The following PDE8A variants were observed in gnomAD, a reference collection of about 807,000 sequenced individuals.
PDE8A encodes high affinity cAMP-specific and IBMX-insensitive 3',5'-cyclic phosphodiesterase 8A.
A neutral mutation model predicts 105.0 loss-of-function variants in PDE8A; 59 were observed. That is an observed-to-expected ratio of 0.56 (90% CI 0.46 to 0.70). The LOEUF is 0.70. Among genes scored for constraint, PDE8A ranks in the 30% least tolerant of loss-of-function variants. The pLI is 0.00. For synonymous variants in PDE8A, 355 were observed against 371.9 expected (o/e 0.95, Z 0.52); for missense variants, 1,014 against 1,045.9 (o/e 0.97, Z 0.42).
chr15:85,086,323 T>A (rs1051475439), intron 6 of PDE8A, among the ~76,000 whole-genome samples: 10 of 152,202 alleles, frequency 6.6e-5, no homozygotes, highest in African/African-American at 2.4e-4. Context: ...ATAATCAGAT[T>A]AGACAACATA....
intron 1 of PDE8A, among the ~76,000 whole-genome samples, chr15:85,003,908 A>G (rs146434789): frequency 6.6e-5 from 10 of 152,196 alleles, no homozygotes; most frequent in Non-Finnish European, 1.3e-4. Flanking sequence ...TATCTTCAAC[A>G]TATGGTTGCC....
upstream of PDE8A, among the ~76,000 whole-genome samples, chr15:84,981,005 G>A (rs2079697801): frequency 1.3e-5 from 2 of 152,274 alleles, no homozygotes; most frequent in South Asian, 4.1e-4. Flanking sequence ...GGCGCGCGGC[G>A]CCCCAGTTTG....
At chr15:85,086,949 AT>A (rs1429118753) in intron 6 of PDE8A, among the ~76,000 whole-genome samples, 3 of 151,102 alleles carry the variant, frequency 2.0e-5, no homozygotes, top group Non-Finnish European at 4.4e-5. Flanking sequence ...TTTTTAGTAG[AT>A]ACGGGGTTTC....
At chr15:85,085,739 G>T (rs2081542246) in intron 6 of PDE8A, among the ~76,000 whole-genome samples, 1 of 151,406 alleles carries the variant, frequency 6.6e-6, no homozygotes, top group Admixed American at 6.6e-5. Context: ...TGGGCAGGGT[G>T]GCTCACGCCT....
intron 5 of PDE8A, among the ~76,000 whole-genome samples, chr15:85,077,126 G>C (rs2081391729): frequency 6.6e-6 from 1 of 152,100 alleles, no homozygotes; most frequent in Admixed American, 6.5e-5. Flanking sequence ...TGCCTGCTAA[G>C]GTCATCTAAA....
At chr15:85,004,713 C>T (rs1055422056) in intron 1 of PDE8A, among the ~76,000 whole-genome samples, 4 of 152,280 alleles carry the variant, frequency 2.6e-5, no homozygotes, top group Middle Eastern at 3.4e-3. Flanking sequence ...GTTCTGCTTC[C>T]GTTCATTGCT....
Position 85,091,115 on chromosome 15 carries a change from A to C in PDE8A, c.786A>C (p.Glu262Asp). ...SGELIGKELGEVPINEKKADL... is the reference protein window; with the variant it reads ...SGELIGKELGDVPINEKKADL... ...AATTAATAGGGAAGGAGTTAGGAGA[A>C]GTGCCTATAAATGAAAAAAAGGCTG... Residue 262 changes from glutamate (E) to aspartate (D), a missense_variant, in exon 8 of 22, where the codon GAA becomes GAC. Glu to Asp is a conservative substitution (Grantham distance 45). Coordinates refer to ENST00000394553, the MANE Select transcript of PDE8A (RefSeq NM_002605.3). 1 of 1,613,316 alleles carries C rather than the reference A, an allele frequency of 6.2e-7. No individual in the cohort carries two copies. Among genetic ancestry groups the C allele is most frequent in the Non-Finnish European group, 8.5e-7 (1 of 1,179,348 alleles).
At chr15:85,079,467 G>T (rs2081431005) in intron 5 of PDE8A, among the ~76,000 whole-genome samples, 1 of 152,208 alleles carries the variant, frequency 6.6e-6, no homozygotes, top group Admixed American at 6.5e-5. Context: ...TGATGAAAAG[G>T]AGGGTAACCG....
intron 11 of PDE8A, among the ~76,000 whole-genome samples, chr15:85,103,988 A>G (rs1232116954): frequency 6.6e-6 from 1 of 152,220 alleles, no homozygotes; most frequent in Non-Finnish European, 1.5e-5. Flanking sequence ...ACTCCCAGAC[A>G]TGGGAAGGAA....
At chr15:84,987,312 G>A (rs2079818084) in intron 1 of PDE8A, among the ~76,000 whole-genome samples, 1 of 152,068 alleles carries the variant, frequency 6.6e-6, no homozygotes. Context: ...TCACAATTCT[G>A]TTACCTGAAA....
intron 1 of PDE8A, among the ~76,000 whole-genome samples, chr15:85,019,684 A>G (rs1190800621): frequency 2.0e-5 from 3 of 151,974 alleles, no homozygotes; most frequent in Non-Finnish European, 4.4e-5. Context: ...GGTTCAAGTG[A>G]TCCTCCTGCC....
At chr15:85,103,120 G>A (rs72759070) in intron 11 of PDE8A, among the ~76,000 whole-genome samples, 14,003 of 152,094 alleles carry the variant, frequency 0.092, 1,746 homozygotes, top group African/African-American at 0.29. Context: ...TACAGGGGAG[G>A]CTGAGGCACG....
intron 1 of PDE8A, among the ~76,000 whole-genome samples, chr15:85,042,679 A>G (rs2080828848): frequency 6.6e-6 from 1 of 152,220 alleles, no homozygotes; most frequent in African/African-American, 2.4e-5. Flanking sequence ...TTCTAGAACC[A>G]AAGTAGGGGC....
intron 1 of PDE8A, among the ~76,000 whole-genome samples, chr15:84,983,048 GT>G (rs1301262049): frequency 6.6e-6 from 1 of 152,022 alleles, no homozygotes; most frequent in Non-Finnish European, 1.5e-5. Flanking sequence ...GGGGTTTTTT[GT>G]TTTTTTACAT....
intron 1 of PDE8A, among the ~76,000 whole-genome samples, chr15:85,057,649 A>G (rs552167112): frequency 2.6e-5 from 4 of 152,208 alleles, no homozygotes; most frequent in Non-Finnish European, 4.4e-5. Context: ...AGCTGTTCCT[A>G]TTCGGCCATC....
At chr15:85,011,181 G>A (rs749210280) in intron 1 of PDE8A, among the ~76,000 whole-genome samples, 3 of 152,080 alleles carry the variant, frequency 2.0e-5, no homozygotes, top group African/African-American at 4.8e-5. Context: ...GAAGTGGCAC[G>A]TTCTCACTCA....
intron 1 of PDE8A, among the ~76,000 whole-genome samples, chr15:85,060,912 T>C (rs2081134038): frequency 6.6e-6 from 1 of 152,256 alleles, no homozygotes; most frequent in South Asian, 2.1e-4. Context: ...AGCTTTGAGT[T>C]ACTGTCTAGT....
At chr15:85,134,095 A>G (rs1293953879) in intron 20 of PDE8A, among the ~76,000 whole-genome samples, 2 of 152,194 alleles carry the variant, frequency 1.3e-5, no homozygotes, top group South Asian at 2.1e-4. Flanking sequence ...CCAGGAGGGA[A>G]CGGGGGCCCC....
chr15:85,126,432 C>G (rs982692715), intron 20 of PDE8A, 58 bp downstream of exon 20: 1 of 1,242,812 alleles, frequency 8.0e-7, no homozygotes, highest in Non-Finnish European at 1.1e-6. Flanking sequence ...CCCATAAAAT[C>G]ATACGAGATA....
Sources: gnomAD v4.1 joint callset for allele counts (sites outside exome capture counted in the v4.1 genomes callset) on GRCh38, gnomAD v4.1.1 for gene constraint, MANE v1.5 for transcripts, NCBI Gene and HGNC (gene_info 2026-07-23, HGNC 2026-07-21) for gene names.